The following NSD1 variants were observed in gnomAD, a reference collection of about 807,000 sequenced individuals.
NSD1 encodes histone-lysine N-methyltransferase, H3 lysine-36 specific.
In NSD1, 26 loss-of-function variants were observed where a neutral mutation model predicts 242.7. That is an observed-to-expected ratio of 0.11 (90% CI 0.08 to 0.15). The LOEUF (loss-of-function observed/expected upper bound fraction) is 0.15, where lower values mean the gene tolerates loss of function less well. NSD1 is among the 10% of genes least tolerant of loss of function. The pLI is 1.00. For missense variants in NSD1, 2,495 were observed against 3,272.8 expected, an observed-to-expected ratio of 0.76 and a Z score of 5.80; for synonymous variants, 1,106 against 1,178.1, an observed-to-expected ratio of 0.94 and a Z score of 1.25.
At chr5:177,193,641 A>G (rs537546261) in intron 3 of NSD1, among the ~76,000 whole-genome samples, 134 of 152,098 alleles carry the variant, frequency 8.8e-4, no homozygotes, top group African/African-American at 3.1e-3. Context: ...TAGTTTTAAT[A>G]TATGTATTTT....
chr5:177,176,087 G>C (rs1462693990), intron 2 of NSD1, among the ~76,000 whole-genome samples: 2 of 152,088 alleles, frequency 1.3e-5, no homozygotes, highest in Non-Finnish European at 2.9e-5. Flanking sequence ...TGTTGACCAG[G>C]CTGGTCTCGA....
intron 21 of NSD1, among the ~76,000 whole-genome samples, chr5:177,289,227 A>G (rs931996464): frequency 6.6e-6 from 1 of 152,074 alleles, no homozygotes; most frequent in Non-Finnish European, 1.5e-5. Flanking sequence ...AGGCTGAGGC[A>G]GGAGAATCCC....
intron 8 of NSD1, among the ~76,000 whole-genome samples, chr5:177,242,514 ATTAT>A (rs10605953): frequency 3.4e-5 from 5 of 145,492 alleles, no homozygotes; most frequent in South Asian, 2.2e-4. Flanking sequence ...AATGGCCTTT[ATTAT>A]TTATTTATTT....
chr5:177,170,372 A>G (rs1440821495), intron 2 of NSD1, among the ~76,000 whole-genome samples: 1 of 148,920 alleles, frequency 6.7e-6, no homozygotes, highest in Non-Finnish European at 1.5e-5. Context: ...TTTTTTAGAG[A>G]CGGAGTCTCG....
chr5:177,293,671 A>G (rs77695880), intron 22 of NSD1, among the ~76,000 whole-genome samples, 161 bp from the exon 23 acceptor site: 2,763 of 151,938 alleles, frequency 0.018, 33 homozygotes, highest in Non-Finnish European at 0.028. Flanking sequence ...AGAAGCTGGA[A>G]TTCTGGGGCA....
rs768181211 is a variant in NSD1 at position 177,280,795 on chromosome 5, G to A, written c.5853G>A (p.Gln1951=). ...AGGTTGAAATTTTCCGCACATTACA[G>A]CGGGGTTGGGGTCTACGGACAAAAA... ...YPEVEIFRTL[Q]RGWGLRTKTD... is the part of the protein sequence containing the mutation. Residue 1951 remains glutamine (Q), a synonymous_variant, in exon 18 of 23, where the codon CAG becomes CAA. Transcript: ENST00000439151. 3 of 1,614,230 alleles carry A rather than the reference G, an allele frequency of 1.9e-6. No homozygotes were observed. In the East Asian group the frequency reaches 6.7e-5, roughly 36 times the overall value.
At chr5:177,194,602 T>TTAA (rs1554185948) in intron 3 of NSD1, among the ~76,000 whole-genome samples, 2 of 135,308 alleles carry the variant, frequency 1.5e-5, no homozygotes, top group Non-Finnish European at 3.0e-5. Flanking sequence ...TTTTTTTTTT[T>TTAA]AAAAAGGATG....
At chr5:177,253,837 A>G (rs1756203536) in intron 12 of NSD1, among the ~76,000 whole-genome samples, 1 of 152,010 alleles carries the variant, frequency 6.6e-6, no homozygotes, top group South Asian at 2.1e-4. Flanking sequence ...ATTTTATTAC[A>G]TTATTACCAG....
chr5:177,181,716 G>C (rs935170679), intron 2 of NSD1, among the ~76,000 whole-genome samples: 4 of 151,548 alleles, frequency 2.6e-5, no homozygotes, highest in African/African-American at 9.7e-5. Flanking sequence ...GTGAGCCACT[G>C]TGCTTGGCTG....
chr5:177,152,783 C>T (rs1484614975), intron 2 of NSD1, among the ~76,000 whole-genome samples: 2 of 144,748 alleles, frequency 1.4e-5, no homozygotes, highest in Non-Finnish European at 3.0e-5. Flanking sequence ...TTTTTTTTGG[C>T]AAGTGATTCT....
intron 2 of NSD1, among the ~76,000 whole-genome samples, chr5:177,185,586 G>A (rs1264434870): frequency 2.0e-5 from 3 of 147,032 alleles, no homozygotes; most frequent in South Asian, 2.1e-4. Context: ...GGATGAGAGC[G>A]AGACTGTCTC....
chr5:177,149,052 C>A (rs933010786), intron 2 of NSD1, among the ~76,000 whole-genome samples: 1 of 152,002 alleles, frequency 6.6e-6, no homozygotes, highest in Non-Finnish European at 1.5e-5. Flanking sequence ...CTCCTGACCT[C>A]AGGTAATCCA....
intron 2 of NSD1, among the ~76,000 whole-genome samples, chr5:177,185,753 A>T (rs1326881841): frequency 2.1e-5 from 2 of 96,274 alleles, no homozygotes; most frequent in East Asian, 3.0e-4. Context: ...TATTATATAT[A>T]ATATATTTTA....
chr5:177,197,692 C>G (rs1762208754), intron 3 of NSD1, among the ~76,000 whole-genome samples: 1 of 152,202 alleles, frequency 6.6e-6, no homozygotes, highest in South Asian at 2.1e-4. Flanking sequence ...CCTTCGACCC[C>G]AATAGCTTAT....
At chr5:177,175,354 C>T (rs953130368) in intron 2 of NSD1, among the ~76,000 whole-genome samples, 2 of 151,972 alleles carry the variant, frequency 1.3e-5, no homozygotes, top group Non-Finnish European at 2.9e-5. Flanking sequence ...AGGCTGGGGA[C>T]GTGGCTCACA....
At chr5:177,197,057 A>G (rs1345486516) in intron 3 of NSD1, among the ~76,000 whole-genome samples, 1 of 151,656 alleles carries the variant, frequency 6.6e-6, no homozygotes. Context: ...ACTTGAGGTC[A>G]GGAGTTGAAA....
At chr5:177,176,179 T>C (rs1352779301) in intron 2 of NSD1, among the ~76,000 whole-genome samples, 1 of 152,184 alleles carries the variant, frequency 6.6e-6, no homozygotes, top group Non-Finnish European at 1.5e-5. Context: ...CCCGGCCCGA[T>C]TGCAAAAATC....
upstream of NSD1, among the ~76,000 whole-genome samples, chr5:177,132,104 G>A (rs1431806422): frequency 5.3e-5 from 8 of 152,310 alleles, no homozygotes; most frequent in Middle Eastern, 3.4e-3. The surrounding 1 kb of genome is among the most constrained non-coding windows in gnomAD (Gnocchi z 7.5). Context: ...GGTGCTGCGG[G>A]CCCGGTGCAG....
intron 4 of NSD1, among the ~76,000 whole-genome samples, chr5:177,208,494 T>C (rs1763072061): frequency 1.3e-5 from 2 of 148,818 alleles, no homozygotes; most frequent in Non-Finnish European, 3.0e-5. Flanking sequence ...TTTCTTTTTC[T>C]TTTTTTTTTC....
Sources: gnomAD v4.1 joint callset for allele counts (sites outside exome capture counted in the v4.1 genomes callset) on GRCh38, gnomAD v4.1.1 for gene constraint, Gnocchi (gnomAD v3.1) non-coding constraint, MANE v1.5 for transcripts, NCBI Gene and HGNC (gene_info 2026-07-23, HGNC 2026-07-21) for gene names.